Variants in NLN observed in about 807,000 individuals in gnomAD.
The protein encoded by NLN is neurolysin, mitochondrial.
A neutral mutation model predicts 79.9 loss-of-function variants in NLN; 64 were observed. The observed-to-expected ratio is 0.80, with a 90% confidence interval of 0.65 to 0.99. The LOEUF (loss-of-function observed/expected upper bound fraction) is 0.99, where lower values mean the gene tolerates loss of function less well. NLN is among the 50% of genes least tolerant of loss of function. The pLI, the probability that NLN is intolerant of heterozygous loss-of-function variation, is 0.00. For synonymous variants in NLN, 267 were observed against 296.6 expected, an observed-to-expected ratio of 0.90 and a Z score of 1.02; for missense variants, 835 against 858.7, an observed-to-expected ratio of 0.97 and a Z score of 0.34.
intron 1 of NLN, among the ~76,000 whole-genome samples, chr5:65,737,384 T>A (rs1758750577): frequency 6.6e-6 from 1 of 152,182 alleles, no homozygotes. Context: ...CTGAATCCTG[T>A]ATTAATACTT....
intron 2 of NLN, among the ~76,000 whole-genome samples, chr5:65,759,419 A>AGT (rs1759294049): frequency 1.4e-5 from 2 of 148,074 alleles, no homozygotes; most frequent in African/African-American, 5.0e-5. Context: ...TGTGTGTGTA[A>AGT]GTATATATAT....
At chr5:65,812,435 C>A in intron 12 of NLN, 44 bp downstream of exon 12, 1 of 1,346,730 alleles carries the variant, frequency 7.4e-7, no homozygotes, top group Non-Finnish European at 1.0e-6. Flanking sequence ...GTAGTTGCTC[C>A]CTCCCCTTTA....
intron 12 of NLN, among the ~76,000 whole-genome samples, chr5:65,817,018 C>T (rs183249742): frequency 7.9e-5 from 12 of 152,236 alleles, no homozygotes; most frequent in Middle Eastern, 6.8e-3. Flanking sequence ...TAACCTCCTG[C>T]CATCCTACAA....
intron 6 of NLN, among the ~76,000 whole-genome samples, chr5:65,783,696 T>C (rs546954008): frequency 1.6e-4 from 19 of 119,270 alleles, no homozygotes; most frequent in Non-Finnish European, 3.1e-4. Flanking sequence ...CTCACCTCTA[T>C]GAAAATTAAA....
intron 4 of NLN, among the ~76,000 whole-genome samples, chr5:65,778,845 A>G (rs773257823): frequency 2.0e-5 from 3 of 152,232 alleles, no homozygotes; most frequent in African/African-American, 4.8e-5. Context: ...AGAAGCCACC[A>G]GTAAACCTCT....
chr5:65,804,429 T>C (rs1760360733), intron 9 of NLN, among the ~76,000 whole-genome samples: 1 of 152,240 alleles, frequency 6.6e-6, no homozygotes, highest in Non-Finnish European at 1.5e-5. Flanking sequence ...AAATTGAAGG[T>C]TTATGTCAAC....
At chr5:65,745,477 A>C (rs1441838999) in intron 1 of NLN, among the ~76,000 whole-genome samples, 2 of 152,224 alleles carry the variant, frequency 1.3e-5, no homozygotes, top group African/African-American at 4.8e-5. Context: ...CCAGCTGCAC[A>C]AATGCTATGT....
At position 65,758,795 on chromosome 5, in the gene NLN, G is replaced by A. The variant is rs78429063; in HGVS notation, c.270G>A (p.Gln90=). ...IEEVTYENCL[Q]ALADVEVKYI... ...AAGTAACTTACGAGAACTGTCTGCAGGCACTGGCAGATGTAGAAGTAAAGT... is the reference window on the plus strand; with the variant it reads ...AAGTAACTTACGAGAACTGTCTGCAAGCACTGGCAGATGTAGAAGTAAAGT... The change falls in exon 2 of 13, where the codon CAG becomes CAA. Residue 90 remains glutamine, a synonymous_variant. Transcript: ENST00000380985. The A allele has an allele frequency of 2.5e-4, 403 of 1,613,666 alleles. 1 individual carries two copies. The African/African-American group carries it at 4.9e-3, about 20-fold the overall frequency.
At chr5:65,751,286 A>AT (rs1243066337) in intron 1 of NLN, among the ~76,000 whole-genome samples, 4 of 152,238 alleles carry the variant, frequency 2.6e-5, no homozygotes, top group African/African-American at 4.8e-5. Flanking sequence ...ATTTTACATA[A>AT]TATAGTTTCA....
At chr5:65,801,988 G>A (rs1434805402) in intron 9 of NLN, among the ~76,000 whole-genome samples, 3 of 152,332 alleles carry the variant, frequency 2.0e-5, no homozygotes, top group East Asian at 3.9e-4. Context: ...TATGGTGGTG[G>A]CTGATGGTGT....
chr5:65,781,522 C>A, intron 6 of NLN, 101 bp downstream of exon 6: 1 of 826,440 alleles, frequency 1.2e-6, no homozygotes. Context: ...GACTGATATT[C>A]CTGTGTGTGC....
rs1579966704 is a variant in NLN, at chr5:65,808,399, G to A, written c.1528-1116G>A. Among the ~76,000 whole-genome samples, 3 of 152,156 alleles carry A rather than the reference G, an allele frequency of 2.0e-5. No individual in the cohort carries two copies. In the East Asian group the frequency reaches 5.8e-4, roughly 29 times the overall value. On this transcript the variant is annotated intron_variant, in intron 9 of 12. Transcript: ENST00000380985. ...AGGGATGATGAAGTCAGGGAGAGAAGGATGGAATGTAATGCATCAGAGGAG... is the reference window on the plus strand; with the variant it reads ...AGGGATGATGAAGTCAGGGAGAGAAAGATGGAATGTAATGCATCAGAGGAG...
chr5:65,731,526 A>G (rs1294535974), intron 1 of NLN, among the ~76,000 whole-genome samples: 1 of 152,182 alleles, frequency 6.6e-6, no homozygotes, highest in African/African-American at 2.4e-5. Context: ...TTACTTTGTA[A>G]GAGCCCCTCA....
intron 1 of NLN, among the ~76,000 whole-genome samples, chr5:65,757,114 A>T (rs1440010799): frequency 3.3e-5 from 5 of 152,140 alleles, no homozygotes; most frequent in Non-Finnish European, 4.4e-5. Context: ...GTCTAAGACA[A>T]TTTGCCATTT....
At chr5:65,775,387 G>A (rs1001782232) in intron 3 of NLN, among the ~76,000 whole-genome samples, 2 of 152,160 alleles carry the variant, frequency 1.3e-5, no homozygotes, top group African/African-American at 4.8e-5. Context: ...TGTAGCCTTA[G>A]CTTCTCGCTG....
At chr5:65,764,330 C>G (rs1759404990) in intron 3 of NLN, among the ~76,000 whole-genome samples, 1 of 152,090 alleles carries the variant, frequency 6.6e-6, no homozygotes, top group Non-Finnish European at 1.5e-5. Flanking sequence ...TATTTGAGAC[C>G]AGCCTGGCCA....
rs966929050 is a variant in NLN at position 65,823,224 on chromosome 5, G to C, written c.*309G>C. ...ATAATCTAGATAATATGATATAAGAGGGCTAAGAATTTTTAAATTGAATCA... is the reference window on the plus strand; with the variant it reads ...ATAATCTAGATAATATGATATAAGACGGCTAAGAATTTTTAAATTGAATCA... On this transcript the variant is annotated 3_prime_UTR_variant, in exon 13 of 13. Transcript: ENST00000380985. The C allele has an allele frequency of 4.6e-5, 10 of 215,212 alleles. No individual in the cohort carries two copies. The highest frequency in any genetic ancestry group is 9.2e-5 in the Non-Finnish European group (10 of 108,142). The allele number at this position is 215,212 out of a possible 1,614,324, so 13.3% of individuals were successfully genotyped here.
chr5:65,750,548 T>G (rs1366348682), intron 1 of NLN, among the ~76,000 whole-genome samples: 1 of 152,012 alleles, frequency 6.6e-6, no homozygotes, highest in Non-Finnish European at 1.5e-5. Context: ...AGACTCCATC[T>G]CTACTAAAAA....
At position 65,722,298 on chromosome 5, in the gene NLN, C is replaced by T; in HGVS notation, c.-76C>T. ...AGGCCGGCTCGAGACTCCCGGGCGC[C>T]CAGGCGCTGCCGCCCGCCTCGCCGC... On this transcript the variant is annotated 5_prime_UTR_variant, in exon 1 of 13. Transcript: ENST00000380985. The T allele has an allele frequency of 1.6e-6, 2 of 1,263,110 alleles. No homozygotes were observed. Among genetic ancestry groups the T allele is most frequent in the Non-Finnish European group, 2.1e-6 (2 of 932,778 alleles). 78.2% of individuals were successfully genotyped at this position (1,263,110 alleles called of 1,614,324 possible). A position where few individuals can be genotyped will look rare whatever the true frequency, so the allele number is the denominator to read the frequency against.
Sources: gnomAD v4.1 joint callset for allele counts (sites outside exome capture counted in the v4.1 genomes callset) on GRCh38, gnomAD v4.1.1 for gene constraint, MANE v1.5 for transcripts, NCBI Gene and HGNC (gene_info 2026-07-23, HGNC 2026-07-21) for gene names.